The following ANKFN1 variants were observed in gnomAD, a reference collection of about 807,000 sequenced individuals.
ANKFN1 encodes ankyrin repeat and fibronectin type III domain containing 1.
Under a neutral mutation model 108.7 loss-of-function variants are expected in ANKFN1, and 74 were observed. That is an observed-to-expected ratio of 0.68 (90% confidence interval 0.56 to 0.83). The LOEUF is 0.83. Among genes scored for constraint, ANKFN1 ranks in the 40% least tolerant of loss-of-function variants. ANKFN1 has a pLI of 0.00. For synonymous variants in ANKFN1, 547 were observed against 516.2 expected (o/e 1.06, Z -0.81); for missense variants, 1,505 against 1,382.3 (o/e 1.09, Z -1.41).
At chr17:56,108,549 C>G (rs1905796207) in intron 4 of ANKFN1, among the ~76,000 whole-genome samples, 1 of 152,230 alleles carries the variant, frequency 6.6e-6, no homozygotes. Context: ...ACTATTGCTA[C>G]TCCATCTGAT....
In ANKFN1 at chr17:56,457,958, C is replaced by G; in HGVS notation, c.1536C>G (p.Leu512=). 1 of 1,613,930 alleles carries G rather than the reference C, an allele frequency of 6.2e-7. No homozygotes were observed. The change falls in exon 14 of 21, where the codon CTC becomes CTG. Residue 512 remains leucine (L), a synonymous_variant. Transcript: ENST00000682825. ...TGCTGCAAACTCGGCAGAAGATGCTCGCAGCAACAGCACAGCTACAGGTAA... is the reference window on the plus strand; with the variant it reads ...TGCTGCAAACTCGGCAGAAGATGCTGGCAGCAACAGCACAGCTACAGGTAA... ...STVLQTRQKM[L]AATAQLQNLL...
chr17:56,301,677 A>T (rs62073047), intron 3 of ANKFN1, among the ~76,000 whole-genome samples: 1 of 152,180 alleles, frequency 6.6e-6, no homozygotes, highest in African/African-American at 2.4e-5. Flanking sequence ...GCTTCTCTCC[A>T]TCACTAAATT....
At chr17:56,425,994 G>A (rs1056904623) in intron 8 of ANKFN1, among the ~76,000 whole-genome samples, 1 of 152,172 alleles carries the variant, frequency 6.6e-6, no homozygotes, top group Non-Finnish European at 1.5e-5. Flanking sequence ...TATATTTAAA[G>A]TTGGATTTGA....
At chr17:56,464,087 C>G (rs895001132) in intron 14 of ANKFN1, among the ~76,000 whole-genome samples, 30 of 152,300 alleles carry the variant, frequency 2.0e-4, no homozygotes, top group African/African-American at 7.0e-4. Context: ...CTTGAATTCT[C>G]CCTCATGGAA....
At chr17:56,390,414 A>G (rs769017842) in intron 8 of ANKFN1, among the ~76,000 whole-genome samples, 34 of 152,162 alleles carry the variant, frequency 2.2e-4, no homozygotes, top group Non-Finnish European at 4.1e-4. Flanking sequence ...TCCATGGTGT[A>G]TATGTGCCAC....
intron 3 of ANKFN1, among the ~76,000 whole-genome samples, chr17:56,255,144 T>C (rs1657019536): frequency 6.6e-6 from 1 of 152,208 alleles, no homozygotes; most frequent in African/African-American, 2.4e-5. Flanking sequence ...CTTGCAACTC[T>C]TGGACGATTC....
intron 8 of ANKFN1, among the ~76,000 whole-genome samples, chr17:56,427,627 C>A (rs2048611368): frequency 6.6e-6 from 1 of 152,062 alleles, no homozygotes; most frequent in Admixed American, 6.6e-5. Context: ...GGAAAGGGGA[C>A]AGAGGCGCCA....
chr17:56,114,326 T>C lies in ANKFN1; in HGVS notation c.288+68001T>C, dbSNP rs1262282689. 2.0e-5 allele frequency among the ~76,000 whole-genome samples: 3 copies of C among 152,170 alleles called. No homozygotes were observed. In the East Asian group the frequency reaches 5.8e-4, roughly 29 times the overall value. On this transcript the variant is annotated intron_variant, in intron 4 of 12. Coordinates refer to the ANKFN1 transcript ENST00000635860. ...AAAATGGAACAAAGTGAAGACCAGG[T>C]AATTCACAGAACAGAAAGTACAAAT...
chr17:56,452,326 A>G (rs999316808), intron 11 of ANKFN1, among the ~76,000 whole-genome samples: 3 of 152,158 alleles, frequency 2.0e-5, no homozygotes, highest in Non-Finnish European at 4.4e-5. Flanking sequence ...AGAACTCCAA[A>G]CCAAGTAGGG....
chr17:56,058,630 C>T (rs1275756441), intron 4 of ANKFN1, among the ~76,000 whole-genome samples: 1 of 151,742 alleles, frequency 6.6e-6, no homozygotes, highest in Non-Finnish European at 1.5e-5. Flanking sequence ...TGTTCCGCTC[C>T]GTGTCCAAGT....
At chr17:56,362,857 G>T (rs2046558004) in intron 6 of ANKFN1, among the ~76,000 whole-genome samples, 1 of 152,070 alleles carries the variant, frequency 6.6e-6, no homozygotes, top group Non-Finnish European at 1.5e-5. Flanking sequence ...TCCAATAAGG[G>T]GTTAATGTCC....
chr17:56,078,457 A>G (rs1427799251), intron 4 of ANKFN1, among the ~76,000 whole-genome samples: 1 of 152,152 alleles, frequency 6.6e-6, no homozygotes, highest in African/African-American at 2.4e-5. Context: ...TCTTCTTCCA[A>G]GTTTTAGCTC....
chr17:56,408,062 G>A (rs761754685), intron 8 of ANKFN1, among the ~76,000 whole-genome samples: 1 of 150,612 alleles, frequency 6.6e-6, no homozygotes, highest in Non-Finnish European at 1.5e-5. Flanking sequence ...AGCCTCCTGA[G>A]TAGCTGGGAT....
At chr17:56,481,604 A>G (rs1284969527) in intron 17 of ANKFN1, among the ~76,000 whole-genome samples, 1 of 152,142 alleles carries the variant, frequency 6.6e-6, no homozygotes, top group Admixed American at 6.5e-5. Context: ...AGAGAGAACC[A>G]TGAATTGGCC....
chr17:56,346,274 C>T (rs921598616), intron 4 of ANKFN1, among the ~76,000 whole-genome samples: 2 of 152,076 alleles, frequency 1.3e-5, no homozygotes, highest in African/African-American at 4.8e-5. Context: ...CAGTACCATG[C>T]TGTTTTGGTT....
At chr17:56,130,335 G>A (rs533365906) in intron 4 of ANKFN1, among the ~76,000 whole-genome samples, 9 of 152,182 alleles carry the variant, frequency 5.9e-5, no homozygotes, top group East Asian at 1.9e-4. Flanking sequence ...ACTCCACCAC[G>A]GCTAATGTGT....
At chr17:56,479,717 C>G (rs1481166660) in intron 16 of ANKFN1, among the ~76,000 whole-genome samples, 1 of 152,216 alleles carries the variant, frequency 6.6e-6, no homozygotes, top group Non-Finnish European at 1.5e-5. Context: ...TTGGGGAAAG[C>G]CTCAGAGAGT....
chr17:56,477,327 T>C (rs2145348861), intron 15 of ANKFN1, among the ~76,000 whole-genome samples, 161 bp from the exon 16 acceptor site: 1 of 152,344 alleles, frequency 6.6e-6, no homozygotes, highest in East Asian at 1.9e-4. Flanking sequence ...GCTGTACCAC[T>C]ATTTCCCCAG....
chr17:56,152,321 C>G (rs530456636), upstream of ANKFN1, among the ~76,000 whole-genome samples: 2 of 146,248 alleles, frequency 1.4e-5, no homozygotes, highest in East Asian at 4.0e-4. Flanking sequence ...TTCTGAGTGC[C>G]TCACTGTAAC....
Sources: gnomAD v4.1 joint callset for allele counts (sites outside exome capture counted in the v4.1 genomes callset) on GRCh38, gnomAD v4.1.1 for gene constraint, MANE v1.5 for transcripts, NCBI Gene and HGNC (gene_info 2026-07-23, HGNC 2026-07-21) for gene names.